ATAD2B: variants seen among roughly 807,000 people sequenced by gnomAD.
ATAD2B encodes the protein ATPase family AAA domain containing 2B.
Under a neutral mutation model 167.6 loss-of-function variants are expected in ATAD2B, and 40 were observed. That is an observed-to-expected ratio of 0.24 (90% CI 0.19 to 0.31). The LOEUF (loss-of-function observed/expected upper bound fraction) is 0.31, where lower values mean the gene tolerates loss of function less well. Among genes scored for constraint, ATAD2B ranks in the 10% least tolerant of loss-of-function variants. ATAD2B has a pLI of 1.00. For missense variants in ATAD2B, 1,242 were observed against 1,757.2 expected, an observed-to-expected ratio of 0.71 and a Z score of 5.24; for synonymous variants, 579 against 596.5, an observed-to-expected ratio of 0.97 and a Z score of 0.43.
Position 23,828,836 on chromosome 2 carries a change from C to CAGT in ATAD2B, c.1819+10_1819+12dup. On this transcript the variant is annotated intron_variant, in intron 15 of 27. Coordinates refer to ENST00000238789, the MANE Select transcript of ATAD2B (RefSeq NM_017552.4). ...AACAATGACAATCAAAAAATTCAAA[C>CAGT]AGTAACACTCACCAACACATTTTTC... 1 of 1,576,670 alleles carries CAGT rather than the reference C, an allele frequency of 6.3e-7. No homozygotes were observed. The highest frequency in any genetic ancestry group is 8.7e-7 in the Non-Finnish European group (1 of 1,150,424).
chr2:23,861,177 T>A, intron 12 of ATAD2B, among the ~76,000 whole-genome samples: 1 of 147,346 alleles, frequency 6.8e-6, no homozygotes. Context: ...AACTACACCC[T>A]CACAGTATTG....
chr2:23,822,781 G>T (rs907862468), intron 16 of ATAD2B, among the ~76,000 whole-genome samples: 1 of 151,850 alleles, frequency 6.6e-6, no homozygotes, highest in African/African-American at 2.4e-5. Context: ...AGCCGGGCGT[G>T]GTGGCAGGTG....
At chr2:23,766,921 A>G (rs1285963668) in intron 22 of ATAD2B, among the ~76,000 whole-genome samples, 35 of 19,650 alleles carry the variant, frequency 1.8e-3, no homozygotes, top group Non-Finnish European at 2.6e-3. Context: ...GTAAGGGGGG[A>G]AAAAAAAAAA....
rs1419011114 is a variant in ATAD2B, at chr2:23,760,713, C to CACATATACACACACACACACACAT, written c.3394+1495_3394+1496insATGTGTGTGTGTGTGTGTATATGT. Among the ~76,000 whole-genome samples the CACATATACACACACACACACACAT allele has an allele frequency of 2.8e-3, 395 of 141,442 alleles. 4 individuals are homozygous for CACATATACACACACACACACACAT. In the Middle Eastern group the frequency reaches 0.039, roughly 14 times the overall value. 92.8% of individuals were successfully genotyped at this position (141,442 alleles called of 152,430 possible). The stretch of plus-strand genomic sequence containing the variant: ...ATTTATATATATACACACACACACA[C>CACATATACACACACACACACACAT]ACACACACACACACACATATACACA... On this transcript the variant is annotated intron_variant, in intron 24 of 27. Transcript: ENST00000238789.
Position 23,857,410 on chromosome 2 carries a change from AT to A in ATAD2B, c.1568+4del. The A allele has an allele frequency of 1.4e-6, 2 of 1,478,084 alleles. No individual in the cohort carries two copies. The highest frequency in any genetic ancestry group is 2.6e-5 in the East Asian group (1 of 38,990). 91.6% of individuals were successfully genotyped at this position (1,478,084 alleles called of 1,614,324 possible). ...AATCAAGATAATCAGATAAAGAAAAATTACCTGTGGATCTGATCTTGTCTGC... is the reference window on the plus strand; with the variant it reads ...AATCAAGATAATCAGATAAAGAAAAATACCTGTGGATCTGATCTTGTCTGC... On this transcript the variant is annotated splice_donor_region_variant and intron_variant, in intron 13 of 27. Coordinates refer to ENST00000238789, the MANE Select transcript of ATAD2B (RefSeq NM_017552.4).
rs1700087822 is a variant in ATAD2B, at chr2:23,895,888, C to A, written c.299G>T (p.Cys100Phe). The change falls in exon 2 of 28, where the codon TGC becomes TTC. Residue 100 changes from cysteine to phenylalanine, a missense_variant. By Grantham distance (205) the Cys-to-Phe change is radical. Around this residue, in one of 9 missense-constraint regions of ATAD2B, gnomAD observed 199 missense variants for 194.9 expected, o/e 1.02. Transcript: ENST00000238789. ...ACTTCGTGATTTTGATTTGTCTTTGCAAACAGAATCAGGTTGTTTCAAAGT... is the reference window on the plus strand; with the variant it reads ...ACTTCGTGATTTTGATTTGTCTTTGAAAACAGAATCAGGTTGTTTCAAAGT... ...KRTLKQPDSV[C>F]KDKSKSRSTG... The A allele has an allele frequency of 3.1e-6, 5 of 1,613,298 alleles. No individual in the cohort carries two copies. In the East Asian group the frequency reaches 1.1e-4, roughly 36 times the overall value.
chr2:23,863,214 C>A (rs1387996365), intron 12 of ATAD2B, among the ~76,000 whole-genome samples, 167 bp downstream of exon 12: 1 of 152,044 alleles, frequency 6.6e-6, no homozygotes, highest in Non-Finnish European at 1.5e-5. Flanking sequence ...AGGACTGATG[C>A]AGGAGAATTG....
At chr2:23,840,956 G>T (rs937992535) in intron 13 of ATAD2B, among the ~76,000 whole-genome samples, 1 of 152,116 alleles carries the variant, frequency 6.6e-6, no homozygotes, top group Non-Finnish European at 1.5e-5. Flanking sequence ...ATCCAGAATG[G>T]AGTACAGTGG....
chr2:23,803,254 C>A (rs1156695530), intron 18 of ATAD2B, among the ~76,000 whole-genome samples: 1 of 151,972 alleles, frequency 6.6e-6, no homozygotes, highest in African/African-American at 2.4e-5. Flanking sequence ...CCAGGCTATA[C>A]CAAGGGTTCT....
At chr2:23,919,089 C>T (rs930118165) in intron 1 of ATAD2B, among the ~76,000 whole-genome samples, 3 of 152,008 alleles carry the variant, frequency 2.0e-5, no homozygotes, top group Non-Finnish European at 2.9e-5. Flanking sequence ...ACACCTGTAA[C>T]CCTAACACTT....
At chr2:23,711,057 T>TA in the ATAD2B span, among the ~76,000 whole-genome samples, 1 of 152,128 alleles carries the variant, frequency 6.6e-6, no homozygotes, top group Non-Finnish European at 1.5e-5. Context: ...GGAAAACACT[T>TA]AGAAAAGGGA....
chr2:23,925,124 G>A (rs1438089283), intron 1 of ATAD2B, among the ~76,000 whole-genome samples: 1 of 152,112 alleles, frequency 6.6e-6, no homozygotes, highest in African/African-American at 2.4e-5. Flanking sequence ...GCCTCAGTAG[G>A]TCAAGAAGCT....
the ATAD2B span, among the ~76,000 whole-genome samples, chr2:23,736,812 A>C: frequency 2.0e-5 from 3 of 152,180 alleles, no homozygotes; most frequent in African/African-American, 7.2e-5. Flanking sequence ...GGGGTGACAG[A>C]CAGCACCTGG....
At chr2:23,696,264 G>A in the ATAD2B span, 5 of 1,509,320 alleles carry the variant, frequency 3.3e-6, no homozygotes, top group African/African-American at 6.9e-5. This position sits in a 1 kb window ranked among gnomAD's most constrained non-coding sequence, Gnocchi z 5.5. Context: ...CTGCCCCTGG[G>A]GCTGGGCCTG....
chr2:23,743,404 G>A, the ATAD2B span, among the ~76,000 whole-genome samples: 2 of 151,634 alleles, frequency 1.3e-5, no homozygotes, highest in African/African-American at 2.4e-5. Context: ...CCATCTCTGC[G>A]AAATAAAAAT....
At chr2:23,765,753 A>G in intron 22 of ATAD2B, 125 bp from the exon 23 acceptor site, 1 of 554,870 alleles carries the variant, frequency 1.8e-6, no homozygotes, top group East Asian at 3.5e-5. Context: ...GAAAAAGTTT[A>G]TTTAAAGTAT....
intron 13 of ATAD2B, among the ~76,000 whole-genome samples, chr2:23,854,373 C>T (rs1038278596): frequency 6.6e-6 from 1 of 151,914 alleles, no homozygotes; most frequent in African/African-American, 2.4e-5. Flanking sequence ...GAATCATTGA[C>T]TTAAATATTA....
chr2:23,841,269 C>T (rs976257847), intron 13 of ATAD2B, among the ~76,000 whole-genome samples: 1 of 151,856 alleles, frequency 6.6e-6, no homozygotes, highest in South Asian at 2.1e-4. Context: ...TAAACTGAAC[C>T]TTTTATCATT....
the ATAD2B span, among the ~76,000 whole-genome samples, chr2:23,718,682 C>G: frequency 6.6e-5 from 10 of 152,280 alleles, no homozygotes; most frequent in African/African-American, 1.9e-4. Flanking sequence ...AATTTATTAT[C>G]TTATGATTTG....
Sources: gnomAD v4.1 joint callset for allele counts (sites outside exome capture counted in the v4.1 genomes callset) on GRCh38, gnomAD v4.1.1 for gene constraint, gnomAD v4.1.1 regional missense constraint, Gnocchi (gnomAD v3.1) non-coding constraint, MANE v1.5 for transcripts, NCBI Gene and HGNC (gene_info 2026-07-23, HGNC 2026-07-21) for gene names.